Variants in RGCC observed in about 807,000 individuals in gnomAD.
RGCC encodes regulator of cell cycle RGCC.
Under a neutral mutation model 15.4 loss-of-function variants are expected in RGCC, and 15 were observed. The ratio of observed to expected loss-of-function variants is 0.97; its 90% CI spans 0.65 to 1.50. The LOEUF is 1.50. Among genes scored for constraint, RGCC ranks in the 40% most tolerant of loss-of-function variants. RGCC has a pLI of 0.00. For synonymous variants in RGCC, 81 were observed against 78.0 expected, an observed-to-expected ratio of 1.04 and a Z score of -0.20; for missense variants, 176 against 189.7, an observed-to-expected ratio of 0.93 and a Z score of 0.42.
In RGCC at chr13:41,457,687, CG is replaced by C. The variant is rs1192987259; in HGVS notation, c.-18del. Reference sequence around the variant, plus strand: ...TCGCAGGACCCAAGGCCACGCGCGCCGGGCCCAGCTGAGCCGCCTCATGAAG... The same window carrying C: ...TCGCAGGACCCAAGGCCACGCGCGCCGGCCCAGCTGAGCCGCCTCATGAAG... On this transcript the variant is annotated 5_prime_UTR_variant, in exon 1 of 5. Coordinates refer to ENST00000379359, the MANE Select transcript of RGCC (RefSeq NM_014059.3). The surrounding 1 kb of genome is among the most constrained non-coding windows in gnomAD (Gnocchi z 4.9). 8.0e-6 allele frequency: 12 copies of C among 1,493,314 alleles called. No homozygotes were observed. Among genetic ancestry groups the C allele is most frequent in the East Asian group, 5.9e-5 (2 of 33,792 alleles). The allele number at this position is 1,493,314 out of a possible 1,614,324, so 92.5% of individuals were successfully genotyped here.
chr13:41,459,789 AAT>A (rs1431973408), intron 2 of RGCC, among the ~76,000 whole-genome samples: 1 of 152,244 alleles, frequency 6.6e-6, no homozygotes, highest in Non-Finnish European at 1.5e-5. Context: ...GCCAAACTTA[AAT>A]ATGTCTCCTC....
chr13:41,466,340 T>C (rs1453751628), intron 2 of RGCC, among the ~76,000 whole-genome samples: 1 of 152,008 alleles, frequency 6.6e-6, no homozygotes, highest in East Asian at 1.9e-4. Context: ...CTCTCCCCTG[T>C]CTCGAATCAT....
chr13:41,465,306 GT>G (rs1047976549), intron 2 of RGCC, among the ~76,000 whole-genome samples: 9 of 152,170 alleles, frequency 5.9e-5, no homozygotes, highest in African/African-American at 2.2e-4. Context: ...CAGGAAGGCT[GT>G]TCCCCGTGAC....
chr13:41,469,289 T>TAAGAAGAAG (rs769260478), intron 4 of RGCC, among the ~76,000 whole-genome samples: 44 of 101,124 alleles, frequency 4.4e-4, no homozygotes, highest in African/African-American at 1.4e-3. Context: ...ATAATAATAA[T>TAAGAAGAAG]AATAATAAGA....
At chr13:41,468,741 T>A (rs763111841) in intron 3 of RGCC, 35 bp from the exon 4 acceptor site, 1 of 1,390,894 alleles carries the variant, frequency 7.2e-7, no homozygotes, top group African/African-American at 1.4e-5. Context: ...AACTGAACTC[T>A]CTCTCTCTCT....
Position 41,470,787 on chromosome 13 carries a change from T to A in RGCC, c.*302T>A. 3.5e-6 allele frequency: 1 copy of A among 283,474 alleles called. No individual in the cohort carries two copies. The highest frequency in any genetic ancestry group is 6.5e-6 in the Non-Finnish European group (1 of 154,100). 17.6% of individuals were successfully genotyped at this position (283,474 alleles called of 1,614,324 possible). A position where few individuals can be genotyped will look rare whatever the true frequency, so the allele number is the denominator to read the frequency against. ...ATTTAAAGTGCTTTTATGAAAATATTTGTAATTAATTATATATAGTTGGAA... is the reference window on the plus strand; with the variant it reads ...ATTTAAAGTGCTTTTATGAAAATATATGTAATTAATTATATATAGTTGGAA... On this transcript the variant is annotated 3_prime_UTR_variant, in exon 5 of 5. Transcript: ENST00000379359.
At position 41,458,735 on chromosome 13, in the gene RGCC, C is replaced by T. The variant is rs1593574843; in HGVS notation, c.235+265C>T. On this transcript the variant is annotated intron_variant, in intron 2 of 4. Transcript: ENST00000379359. The surrounding 1 kb of genome is among the most constrained non-coding windows in gnomAD (Gnocchi z 4.4). ...GTCCCGACTCAGCCAGACAGGACTC[C>T]CTGGACCTGCACCAGGCCTTTCCGC... 6.6e-6 allele frequency among the ~76,000 whole-genome samples: 1 copy of T among 152,170 alleles called. No individual in the cohort carries two copies. The highest frequency in any genetic ancestry group is 2.4e-5 in the African/African-American group (1 of 41,442).
rs1205384083 is a variant in RGCC at position 41,466,914 on chromosome 13, T to C, written c.327T>C (p.Thr109=). The C allele has an allele frequency of 6.2e-7, 1 of 1,612,806 alleles. No individual in the cohort carries two copies. Among genetic ancestry groups the C allele is most frequent in the Non-Finnish European group, 8.5e-7 (1 of 1,178,788 alleles). ...CTACCCCAGCTCTTCTCTCTGCCAC[T>C]GTCACTCCTCAGAAAGGTAAGGTCA... ...TDSTPALLSA[T]VTPQKAKLGD... The change falls in exon 3 of 5, where the codon ACT becomes ACC. Residue 109 remains threonine (T), a synonymous_variant. Coordinates refer to ENST00000379359, the MANE Select transcript of RGCC (RefSeq NM_014059.3).
At position 41,457,872 on chromosome 13, in the gene RGCC, A is replaced by G; in HGVS notation, c.49+116A>G. 1 of 1,317,908 alleles carries G rather than the reference A, an allele frequency of 7.6e-7. No homozygotes were observed. The highest frequency in any genetic ancestry group is 2.3e-5 in the South Asian group (1 of 44,442). 81.6% of individuals were successfully genotyped at this position (1,317,908 alleles called of 1,614,324 possible). ...CCACCCTTCCATCCTCCCCGGCGGG[A>G]ACCTGTCCCCGGTCTTCCCGCGCGG... is the stretch of plus-strand genomic sequence containing the variant. On this transcript the variant is annotated intron_variant, in intron 1 of 4. Transcript: ENST00000379359. The surrounding 1 kb of genome is among the most constrained non-coding windows in gnomAD (Gnocchi z 4.9).
intron 2 of RGCC, among the ~76,000 whole-genome samples, chr13:41,459,109 A>G (rs1177391303): frequency 6.6e-6 from 1 of 152,128 alleles, no homozygotes; most frequent in Non-Finnish European, 1.5e-5. Context: ...GTTCCTGGTG[A>G]TCTTTCTCAC....
At position 41,470,738 on chromosome 13, in the gene RGCC, C is replaced by T. The variant is rs1305965390; in HGVS notation, c.*253C>T. On this transcript the variant is annotated 3_prime_UTR_variant, in exon 5 of 5. Coordinates refer to ENST00000379359, the MANE Select transcript of RGCC (RefSeq NM_014059.3). ...ACGATCCATGCTAATATTGTATTTT[C>T]TCTTAAAACATAGCTTTCCTGTAAT... is the stretch of plus-strand genomic sequence containing the variant. The T allele has an allele frequency of 1.0e-5, 4 of 391,480 alleles. No homozygotes were observed. Among genetic ancestry groups the T allele is most frequent in the African/African-American group, 2.0e-5 (1 of 48,788 alleles). The allele number at this position is 391,480 out of a possible 1,614,324, so 24.3% of individuals were successfully genotyped here.
chr13:41,466,731 A>G, intron 2 of RGCC, 92 bp from the exon 3 acceptor site: 1 of 910,046 alleles, frequency 1.1e-6, no homozygotes, highest in African/African-American at 1.6e-5. Context: ...CTTATTTTGA[A>G]GACAAATTGT....
intron 3 of RGCC, among the ~76,000 whole-genome samples, 164 bp from the exon 4 acceptor site, chr13:41,468,612 A>G (rs2043859287): frequency 6.6e-6 from 1 of 152,236 alleles, no homozygotes; most frequent in South Asian, 2.1e-4. Flanking sequence ...ACACTCTTCA[A>G]TAAAAGTCTC....
At chr13:41,468,878 A>AACAAAAT in intron 4 of RGCC, 40 bp downstream of exon 4, 1 of 1,360,588 alleles carries the variant, frequency 7.3e-7, no homozygotes, top group Non-Finnish European at 1.0e-6. Context: ...AAAACAAAAA[A>AACAAAAT]CTAACAGACA....
chr13:41,458,600 C>T lies in RGCC; in HGVS notation c.235+130C>T. 1 of 1,056,340 alleles carries T rather than the reference C, an allele frequency of 9.5e-7. No individual in the cohort carries two copies. Among genetic ancestry groups the T allele is most frequent in the Non-Finnish European group, 1.3e-6 (1 of 753,448 alleles). The allele number at this position is 1,056,340 out of a possible 1,614,324, so 65.4% of individuals were successfully genotyped here. On this transcript the variant is annotated intron_variant, in intron 2 of 4. Coordinates refer to ENST00000379359, the MANE Select transcript of RGCC (RefSeq NM_014059.3). The surrounding 1 kb of genome is among the most constrained non-coding windows in gnomAD (Gnocchi z 4.4). ...TTTCCTGAAGCTCAACGCAGTAGGC[C>T]GAGTGGTGGCGGGGCCCCTGACGAT...
intron 3 of RGCC, among the ~76,000 whole-genome samples, chr13:41,467,359 A>G (rs9594552): frequency 0.15 from 22,834 of 152,280 alleles, 1,793 homozygotes; most frequent in African/African-American, 0.17. Context: ...TGACCAATTT[A>G]GCAATTAAAT....
chr13:41,468,690 G>A, intron 3 of RGCC, 86 bp from the exon 4 acceptor site: 1 of 1,014,738 alleles, frequency 9.9e-7, no homozygotes, highest in Non-Finnish European at 1.5e-6. Context: ...CCAACTTCCT[G>A]GAAAACTCAA....
Position 41,470,491 on chromosome 13 carries a change from G to C in RGCC, c.*6G>C. ...TCTCATTTACAGGTATGTGAAACAA[G>C]AAGTTCTGGGTCCTTTCATCATAAG... On this transcript the variant is annotated 3_prime_UTR_variant, in exon 5 of 5. Coordinates refer to ENST00000379359, the MANE Select transcript of RGCC (RefSeq NM_014059.3). 1 of 1,613,756 alleles carries C rather than the reference G, an allele frequency of 6.2e-7. No individual in the cohort carries two copies. Among genetic ancestry groups the C allele is most frequent in the Non-Finnish European group, 8.5e-7 (1 of 1,179,666 alleles).
chr13:41,470,393 A>G (rs2043870185), intron 4 of RGCC, 85 bp from the exon 5 acceptor site: 1 of 1,383,160 alleles, frequency 7.2e-7, no homozygotes, highest in African/African-American at 1.4e-5. Flanking sequence ...TGGTGCTTTG[A>G]TGCACGTCTG....
Sources: gnomAD v4.1 joint callset for allele counts (sites outside exome capture counted in the v4.1 genomes callset) on GRCh38, gnomAD v4.1.1 for gene constraint, Gnocchi (gnomAD v3.1) non-coding constraint, MANE v1.5 for transcripts, NCBI Gene and HGNC (gene_info 2026-07-23, HGNC 2026-07-21) for gene names.